SPTBN1: variants seen among roughly 807,000 people sequenced by gnomAD.
SPTBN1 encodes the protein spectrin beta chain, non-erythrocytic 1.
SPTBN1 carries 32 observed loss-of-function variants against 266.4 expected under a neutral mutation model. The observed-to-expected ratio is 0.12, with a 90% CI of 0.09 to 0.16. SPTBN1 has a LOEUF of 0.16. Among genes scored for constraint, SPTBN1 ranks in the 10% least tolerant of loss-of-function variants. The pLI is 1.00. For synonymous variants in SPTBN1, 1,336 were observed against 1,162.2 expected (o/e 1.15, Z -3.04); for missense variants, 2,296 against 3,067.1 (o/e 0.75, Z 5.94).
Position 54,664,740 on chromosome 2 carries a change from A to G in SPTBN1, c.6659+49A>G. 5 of 1,585,692 alleles carry G rather than the reference A, an allele frequency of 3.2e-6. No homozygotes were observed. The highest frequency in any genetic ancestry group is 4.3e-6 in the Non-Finnish European group (5 of 1,157,374). On this transcript the variant is annotated intron_variant, in intron 33 of 35. Coordinates refer to ENST00000356805, the MANE Select transcript of SPTBN1 (RefSeq NM_003128.3). This position sits in a 1 kb window ranked among gnomAD's most constrained non-coding sequence, Gnocchi z 5.6. ...AGTAAGATGGGAAGTCAGCCTGTGA[A>G]GGGATAAGGCGGGCCACTCTTGAAT...
At chr2:54,636,760 C>T (rs1038756393) in intron 17 of SPTBN1, among the ~76,000 whole-genome samples, 1 of 152,246 alleles carries the variant, frequency 6.6e-6, no homozygotes, top group Admixed American at 6.5e-5. Context: ...CTCAGTTGCA[C>T]TCTGCCTTTA....
chr2:54,605,214 A>G (rs1230561270), intron 3 of SPTBN1, among the ~76,000 whole-genome samples: 1 of 152,198 alleles, frequency 6.6e-6, no homozygotes, highest in Non-Finnish European at 1.5e-5. Flanking sequence ...TTGGCAATAT[A>G]AAAATAGCTC....
chr2:54,623,391 A>G (rs1458207985), intron 9 of SPTBN1, 88 bp from the exon 10 acceptor site: 5 of 1,153,714 alleles, frequency 4.3e-6, no homozygotes, highest in Admixed American at 1.8e-5. Context: ...CATGTAAGTC[A>G]GACCAGAGTT....
At position 54,533,369 on chromosome 2, in the gene SPTBN1, TGTG is replaced by T. The variant is rs1573358345; in HGVS notation, c.148+6804_148+6806del. Among the ~76,000 whole-genome samples, 1 of 151,156 alleles carries T rather than the reference TGTG, an allele frequency of 6.6e-6. No homozygotes were observed. The highest frequency in any genetic ancestry group is 1.9e-4 in the East Asian group (1 of 5,168). On this transcript the variant is annotated intron_variant, in intron 2 of 35. Coordinates refer to ENST00000356805, the MANE Select transcript of SPTBN1 (RefSeq NM_003128.3). The surrounding 1 kb of genome is among the most constrained non-coding windows in gnomAD (Gnocchi z 4.2). ...GGACTAGTGTGTGTGTGTGTGTGTG[TGTG>T]TGTGTGTGTGTGTGTGTGTGTGTCT... is the stretch of plus-strand genomic sequence containing the variant.
chr2:54,490,079 ATTT>A (rs11326998), intron 1 of SPTBN1, among the ~76,000 whole-genome samples: 9 of 135,432 alleles, frequency 6.6e-5, no homozygotes, highest in East Asian at 2.7e-4. Context: ...AAGTTTATGA[ATTT>A]TTTTTTTTTT....
In SPTBN1 at chr2:54,533,394, GTC is replaced by G. The variant is rs1558813833; in HGVS notation, c.148+6830_148+6831del. ...TGTGTGTGTGTGTGTGTGTGTGTGT[GTC>G]TAAACCATTTGACTTCTAGTGAACG... On this transcript the variant is annotated intron_variant, in intron 2 of 35. Transcript: ENST00000356805. The surrounding 1 kb of genome is among the most constrained non-coding windows in gnomAD (Gnocchi z 4.2). Among the ~76,000 whole-genome samples, 3 of 135,082 alleles carry G rather than the reference GTC, an allele frequency of 2.2e-5. No individual in the cohort carries two copies. Among genetic ancestry groups the G allele is most frequent in the African/African-American group, 8.4e-5 (3 of 35,846 alleles). The allele number at this position is 135,082 out of a possible 152,430, so 88.6% of individuals were successfully genotyped here. A position where few individuals can be genotyped will look rare whatever the true frequency, so the allele number is the denominator to read the frequency against.
intron 2 of SPTBN1, among the ~76,000 whole-genome samples, chr2:54,587,484 T>C (rs1675369870): frequency 6.6e-6 from 1 of 152,220 alleles, no homozygotes; most frequent in African/African-American, 2.4e-5. Flanking sequence ...TGTTGTTTAG[T>C]AATTAAGTGT....
At chr2:54,571,578 C>T (rs147047795) in intron 2 of SPTBN1, among the ~76,000 whole-genome samples, 25 of 70,084 alleles carry the variant, frequency 3.6e-4, no homozygotes, top group East Asian at 2.3e-3. Flanking sequence ...CACACACATA[C>T]ACACACACAC....
intron 2 of SPTBN1, among the ~76,000 whole-genome samples, chr2:54,581,652 G>A (rs1449336319): frequency 7.3e-6 from 1 of 136,596 alleles, no homozygotes. Flanking sequence ...ACAGCCCACA[G>A]TTTAAGAAAA....
intron 2 of SPTBN1, among the ~76,000 whole-genome samples, chr2:54,579,207 A>G (rs1674702616): frequency 6.6e-6 from 1 of 152,070 alleles, no homozygotes; most frequent in Admixed American, 6.5e-5. Context: ...TTTCAGTTGC[A>G]GTGTTCTTAG....
In SPTBN1 at chr2:54,670,952, T is replaced by G; in HGVS notation, c.*2383T>G. ...CCTGGCAGGGTAAATAGTTTTTGGGTTTTTTGTTTTTTTTTTATTCTTCCA... is the reference window on the plus strand; with the variant it reads ...CCTGGCAGGGTAAATAGTTTTTGGGGTTTTTGTTTTTTTTTTATTCTTCCA... On this transcript the variant is annotated 3_prime_UTR_variant, in exon 36 of 36. Coordinates refer to ENST00000356805, the MANE Select transcript of SPTBN1 (RefSeq NM_003128.3). 1 of 396,388 alleles carries G rather than the reference T, an allele frequency of 2.5e-6. No homozygotes were observed. Among genetic ancestry groups the G allele is most frequent in the Admixed American group, 4.4e-5 (1 of 22,636 alleles). 24.6% of individuals were successfully genotyped at this position (396,388 alleles called of 1,614,324 possible). A position where few individuals can be genotyped will look rare whatever the true frequency, so the allele number is the denominator to read the frequency against.
At chr2:54,587,760 C>T (rs116683095) in intron 2 of SPTBN1, among the ~76,000 whole-genome samples, 5,910 of 152,134 alleles carry the variant, frequency 0.039, 149 homozygotes, top group Admixed American at 0.087. Flanking sequence ...TGGTGATTAC[C>T]ATAGTTTGTC....
At chr2:54,667,529 A>C in intron 34 of SPTBN1, 75 bp from the exon 35 acceptor site, 2 of 1,404,746 alleles carry the variant, frequency 1.4e-6, no homozygotes, top group South Asian at 1.2e-5. Flanking sequence ...TCTGTCCTGC[A>C]TGGGATATGG....
At chr2:54,475,651 A>C (rs1385768563) in intron 1 of SPTBN1, among the ~76,000 whole-genome samples, 1 of 152,170 alleles carries the variant, frequency 6.6e-6, no homozygotes, top group Non-Finnish European at 1.5e-5. Flanking sequence ...CGGCATTCTT[A>C]CAGAGTGCCT....
intron 2 of SPTBN1, among the ~76,000 whole-genome samples, chr2:54,552,135 C>T (rs1211549118): frequency 2.0e-5 from 3 of 152,134 alleles, no homozygotes; most frequent in African/African-American, 7.2e-5. Context: ...TTGTTCCCAG[C>T]CTAAGTTCTG....
chr2:54,575,571 A>G (rs1361438152), intron 2 of SPTBN1, among the ~76,000 whole-genome samples: 3 of 152,270 alleles, frequency 2.0e-5, no homozygotes, highest in East Asian at 3.8e-4. Context: ...AACTTGAGCC[A>G]TAGCTTAAAT....
intron 1 of SPTBN1, among the ~76,000 whole-genome samples, chr2:54,477,811 T>C (rs979706769): frequency 9.9e-5 from 15 of 152,138 alleles, no homozygotes; most frequent in Admixed American, 9.8e-4. Flanking sequence ...CTCAGGAGGC[T>C]GAGGCAGGAG....
chr2:54,617,590 C>CTT lies in SPTBN1; in HGVS notation c.567-17_567-16insTT. 2 of 1,613,266 alleles carry CTT rather than the reference C, an allele frequency of 1.2e-6. No individual in the cohort carries two copies. The highest frequency in any genetic ancestry group is 1.7e-6 in the Non-Finnish European group (2 of 1,179,342). ...GTGGTAATTGTGTTGCTTTTCCCTT[C>CTT]TGCTTTGTCCTTGGCAGGTACCCCA... is the stretch of plus-strand genomic sequence containing the variant. On this transcript the variant is annotated splice_polypyrimidine_tract_variant and intron_variant, in intron 5 of 35. Coordinates refer to ENST00000356805, the MANE Select transcript of SPTBN1 (RefSeq NM_003128.3).
intron 2 of SPTBN1, among the ~76,000 whole-genome samples, chr2:54,585,425 T>C (rs1431913651): frequency 7.9e-6 from 1 of 126,884 alleles, no homozygotes; most frequent in Non-Finnish European, 1.6e-5. Flanking sequence ...TTTTCTGTCC[T>C]CCTCTATTAA....
Sources: gnomAD v4.1 joint callset for allele counts (sites outside exome capture counted in the v4.1 genomes callset) on GRCh38, gnomAD v4.1.1 for gene constraint, Gnocchi (gnomAD v3.1) non-coding constraint, MANE v1.5 for transcripts, NCBI Gene and HGNC (gene_info 2026-07-23, HGNC 2026-07-21) for gene names.